Variants in PDE1C observed in about 807,000 individuals in gnomAD.
The protein encoded by PDE1C is phosphodiesterase 1C.
PDE1C carries 62 observed loss-of-function variants against 93.1 expected under a neutral mutation model. That is an observed-to-expected ratio of 0.67 (90% confidence interval 0.54 to 0.82). The LOEUF is 0.82. Among genes scored for constraint, PDE1C ranks in the 40% least tolerant of loss-of-function variants. The pLI, the probability that PDE1C is intolerant of heterozygous loss-of-function variation, is 0.00. For synonymous variants in PDE1C, 325 were observed against 310.1 expected, an observed-to-expected ratio of 1.05 and a Z score of -0.50; for missense variants, 742 against 884.6, an observed-to-expected ratio of 0.84 and a Z score of 2.04.
intron 16 of PDE1C, among the ~76,000 whole-genome samples, chr7:31,782,571 G>C (rs1783513663): frequency 6.6e-6 from 1 of 152,176 alleles, no homozygotes; most frequent in South Asian, 2.1e-4. Flanking sequence ...TGAAGGGGTG[G>C]TATTTGTGTA....
intron 1 of PDE1C, among the ~76,000 whole-genome samples, chr7:32,274,190 T>G (rs995648466): frequency 4.6e-5 from 7 of 151,956 alleles, no homozygotes; most frequent in African/African-American, 1.7e-4. Context: ...TAATGGCATT[T>G]ATTTAGGATA....
At chr7:32,029,647 A>C (rs1790007796) in intron 2 of PDE1C, among the ~76,000 whole-genome samples, 1 of 152,110 alleles carries the variant, frequency 6.6e-6, no homozygotes, top group Non-Finnish European at 1.5e-5. Context: ...CATAGAAATT[A>C]CCTCAAGGCA....
intron 16 of PDE1C, among the ~76,000 whole-genome samples, chr7:31,795,533 T>C (rs984748927): frequency 4.6e-5 from 7 of 151,862 alleles, no homozygotes; most frequent in African/African-American, 1.7e-4. Flanking sequence ...CCACAAAGTA[T>C]CTAGAAGACA....
chr7:32,042,622 T>C (rs931226020), intron 2 of PDE1C, among the ~76,000 whole-genome samples: 2 of 152,242 alleles, frequency 1.3e-5, no homozygotes, highest in African/African-American at 4.8e-5. Context: ...ATACTTTTAA[T>C]GTCCCATGAT....
chr7:32,255,387 C>G (rs1809718190), intron 1 of PDE1C, among the ~76,000 whole-genome samples: 1 of 152,174 alleles, frequency 6.6e-6, no homozygotes, highest in Non-Finnish European at 1.5e-5. Context: ...CTAGGCCACA[C>G]TCAAACTTTT....
intron 1 of PDE1C, among the ~76,000 whole-genome samples, chr7:32,215,229 G>C (rs1325181300): frequency 6.6e-6 from 1 of 152,128 alleles, no homozygotes; most frequent in Non-Finnish European, 1.5e-5. Flanking sequence ...TCTCATAGGA[G>C]CATGAACCCT....
chr7:32,174,268 T>C (rs528599132), intron 2 of PDE1C, among the ~76,000 whole-genome samples: 1 of 152,030 alleles, frequency 6.6e-6, no homozygotes, highest in Non-Finnish European at 1.5e-5. Flanking sequence ...AGTAAACACA[T>C]ATTGAATTCC....
At chr7:31,802,697 G>C (rs1278385304) in intron 16 of PDE1C, among the ~76,000 whole-genome samples, 2 of 146,822 alleles carry the variant, frequency 1.4e-5, no homozygotes, top group Admixed American at 6.8e-5. Flanking sequence ...AGAATTCTTT[G>C]TTGATTTTTT....
At chr7:32,304,148 C>A (rs1013012732), upstream of PDE1C, among the ~76,000 whole-genome samples, 3 of 152,170 alleles carry the variant, frequency 2.0e-5, no homozygotes, top group African/African-American at 7.2e-5. Flanking sequence ...CTCCCGGGTC[C>A]TCCAGAAAGC....
At chr7:32,055,459 G>A (rs558713794) in intron 1 of PDE1C, among the ~76,000 whole-genome samples, 3 of 152,128 alleles carry the variant, frequency 2.0e-5, no homozygotes, top group South Asian at 2.1e-4. Context: ...GAACCTTAAA[G>A]TGGCTGAGAC....
intron 2 of PDE1C, among the ~76,000 whole-genome samples, chr7:32,197,098 G>C (rs114609059): frequency 2.3e-3 from 351 of 152,226 alleles, no homozygotes; most frequent in African/African-American, 8.3e-3. Flanking sequence ...TCTTAAGTAT[G>C]CTTCCTTCAA....
intron 2 of PDE1C, among the ~76,000 whole-genome samples, chr7:32,206,872 G>C (rs56293810): frequency 0.13 from 19,113 of 152,218 alleles, 1,254 homozygotes; most frequent in South Asian, 0.19. Flanking sequence ...GTCAAGGTCA[G>C]TCTCAACTCT....
chr7:32,124,671 T>C (rs1431129799), intron 3 of PDE1C, among the ~76,000 whole-genome samples: 2 of 152,130 alleles, frequency 1.3e-5, no homozygotes, highest in East Asian at 1.9e-4. Context: ...TGGCTAGCCA[T>C]ATGCAGGAAA....
At chr7:32,302,001 A>G (rs1199575140), upstream of PDE1C, among the ~76,000 whole-genome samples, 3 of 152,258 alleles carry the variant, frequency 2.0e-5, no homozygotes, top group African/African-American at 7.2e-5. Context: ...ATCCACAAGT[A>G]AAGTTTCATT....
At chr7:32,327,480 A>G (rs970327865) in intron 1 of PDE1C, among the ~76,000 whole-genome samples, 7 of 152,154 alleles carry the variant, frequency 4.6e-5, no homozygotes, top group African/African-American at 1.7e-4. Context: ...CATTTTCTCT[A>G]TTTCAAAATT....
chr7:32,381,019 T>G (rs1784524699), intron 1 of PDE1C, among the ~76,000 whole-genome samples: 2 of 151,988 alleles, frequency 1.3e-5, no homozygotes, highest in Admixed American at 6.5e-5. Flanking sequence ...AACAGAAGGC[T>G]GTTTCTCCCC....
In PDE1C at chr7:32,070,395, G is replaced by T. The variant is rs1266215602; in HGVS notation, c.-2C>A. 6.2e-7 allele frequency: 1 copy of T among 1,614,176 alleles called. No homozygotes were observed. Among genetic ancestry groups the T allele is most frequent in the Non-Finnish European group, 8.5e-7 (1 of 1,180,004 alleles). On this transcript the variant is annotated 5_prime_UTR_variant, in exon 1 of 18. Transcript: ENST00000396191. ...AATCTCCTTGGTTGGCGACTCCATA[G>T]CTGCAGGTAGGTGACCACTGGCGGT...
At chr7:32,144,241 C>T (rs1800694283) in intron 3 of PDE1C, among the ~76,000 whole-genome samples, 1 of 152,126 alleles carries the variant, frequency 6.6e-6, no homozygotes, top group African/African-American at 2.4e-5. Flanking sequence ...ATGAAGCCAC[C>T]AAGACTTTGT....
chr7:31,733,763 G>A, the PDE1C span, among the ~76,000 whole-genome samples: 1 of 152,218 alleles, frequency 6.6e-6, no homozygotes, highest in Admixed American at 6.5e-5. Context: ...GGGAGGCTGA[G>A]GAGGGTGGGT....
Sources: allele counts gnomAD v4.1 joint callset (sites outside exome capture counted in the v4.1 genomes callset), GRCh38; gene constraint gnomAD v4.1.1; transcripts MANE v1.5; gene names NCBI Gene and HGNC (gene_info 2026-07-23, HGNC 2026-07-21).